Variants in ZNF407 observed in about 807,000 individuals in gnomAD.
The protein encoded by ZNF407 is zinc finger protein 407.
In ZNF407, 17 loss-of-function variants were observed where a neutral mutation model predicts 131.2. The ratio of observed to expected loss-of-function variants is 0.13; its 90% CI spans 0.09 to 0.19. ZNF407 has a LOEUF of 0.19. Ranked by LOEUF, ZNF407 falls within the 10% of genes least tolerant of loss-of-function variation. The pLI is 1.00. For missense variants in ZNF407, 2,681 were observed against 2,830.6 expected, an observed-to-expected ratio of 0.95 and a Z score of 1.20; for synonymous variants, 1,156 against 1,062.0, an observed-to-expected ratio of 1.09 and a Z score of -1.72.
intron 8 of ZNF407, among the ~76,000 whole-genome samples, chr18:74,962,398 C>T (rs929570508): frequency 6.6e-6 from 1 of 152,242 alleles, no homozygotes; most frequent in East Asian, 1.9e-4. Context: ...CTGTCAGATG[C>T]ATACTGACAT....
chr18:74,856,563 C>T (rs1260748275), intron 4 of ZNF407, among the ~76,000 whole-genome samples: 1 of 152,076 alleles, frequency 6.6e-6, no homozygotes, highest in Non-Finnish European at 1.5e-5. Flanking sequence ...TTCTTCCCAT[C>T]CTTGGAAGTG....
intron 4 of ZNF407, among the ~76,000 whole-genome samples, chr18:74,870,449 C>T (rs762861765): frequency 5.3e-5 from 8 of 152,144 alleles, no homozygotes; most frequent in African/African-American, 1.2e-4. Flanking sequence ...CGTCTTGAAG[C>T]CACACTAGAG....
intron 3 of ZNF407, among the ~76,000 whole-genome samples, chr18:74,767,305 C>T (rs1969256932): frequency 6.6e-6 from 1 of 152,108 alleles, no homozygotes; most frequent in Non-Finnish European, 1.5e-5. Flanking sequence ...AGTAATTCAA[C>T]CGTAATTCTT....
At chr18:74,713,343 G>T (rs1409708308) in intron 3 of ZNF407, among the ~76,000 whole-genome samples, 1 of 142,454 alleles carries the variant, frequency 7.0e-6, no homozygotes, top group Non-Finnish European at 1.5e-5. Context: ...AGATTTACCT[G>T]GAACATTTTA....
chr18:74,989,480 G>A (rs1161678413), intron 8 of ZNF407, among the ~76,000 whole-genome samples: 3 of 152,212 alleles, frequency 2.0e-5, no homozygotes, highest in Non-Finnish European at 4.4e-5. Flanking sequence ...AAGCGAGAAA[G>A]GGCACATGCC....
intron 8 of ZNF407, among the ~76,000 whole-genome samples, chr18:74,981,032 G>A (rs530826997): frequency 6.6e-6 from 1 of 152,344 alleles, no homozygotes; most frequent in African/African-American, 2.4e-5. Flanking sequence ...GTGAGAGAAT[G>A]GGTAAGGACG....
intron 3 of ZNF407, among the ~76,000 whole-genome samples, chr18:74,670,563 A>T (rs1280859307): frequency 6.6e-6 from 1 of 152,246 alleles, no homozygotes; most frequent in African/African-American, 2.4e-5. Flanking sequence ...AAACTATTCC[A>T]AAAAATAATT....
intron 4 of ZNF407, among the ~76,000 whole-genome samples, chr18:74,807,933 G>A (rs146617632): frequency 1.9e-4 from 29 of 152,018 alleles, no homozygotes; most frequent in Middle Eastern, 3.4e-3. Flanking sequence ...AGCCTAGGCT[G>A]GTCTTGATCT....
At chr18:74,815,380 G>A (rs1363196751) in intron 4 of ZNF407, among the ~76,000 whole-genome samples, 1 of 152,120 alleles carries the variant, frequency 6.6e-6, no homozygotes, top group African/African-American at 2.4e-5. Context: ...TACCCAAGTA[G>A]CACAGTGTCG....
chr18:74,963,941 C>T (rs918057783), intron 8 of ZNF407, among the ~76,000 whole-genome samples: 1 of 152,188 alleles, frequency 6.6e-6, no homozygotes, highest in East Asian at 1.9e-4. Context: ...AGAGAAGCAG[C>T]TGCTATTAAC....
chr18:74,714,249 A>G (rs749557489), intron 3 of ZNF407, among the ~76,000 whole-genome samples: 7 of 152,226 alleles, frequency 4.6e-5, no homozygotes, highest in African/African-American at 7.2e-5. Flanking sequence ...GTCATACACC[A>G]TAGCTCAGCA....
chr18:74,742,585 T>C (rs1968574849), intron 3 of ZNF407, among the ~76,000 whole-genome samples: 2 of 152,232 alleles, frequency 1.3e-5, no homozygotes, highest in Admixed American at 1.3e-4. Context: ...TGTAAAGTCA[T>C]GATTGGATAA....
intron 4 of ZNF407, among the ~76,000 whole-genome samples, chr18:74,853,370 T>A (rs927021443): frequency 6.6e-6 from 1 of 152,184 alleles, no homozygotes; most frequent in Non-Finnish European, 1.5e-5. Flanking sequence ...AGGATTTTAT[T>A]TGTTTTGCAT....
intron 8 of ZNF407, among the ~76,000 whole-genome samples, chr18:74,953,241 C>T (rs568466455): frequency 3.3e-5 from 5 of 152,238 alleles, no homozygotes; most frequent in South Asian, 2.1e-4. Context: ...GGGGACATTG[C>T]TTGAGAGCTG....
chr18:74,702,228 AG>A (rs1967514237), intron 3 of ZNF407, among the ~76,000 whole-genome samples: 1 of 152,152 alleles, frequency 6.6e-6, no homozygotes, highest in Admixed American at 6.5e-5. Flanking sequence ...AAGGAATCTT[AG>A]TTCTGAGTTA....
Position 75,024,361 on chromosome 18 carries a change from A to G in ZNF407, c.5429-38789A>G, listed in dbSNP as rs915674587. Among the ~76,000 whole-genome samples, 5 of 152,312 alleles carry G rather than the reference A, an allele frequency of 3.3e-5. No homozygotes were observed. The East Asian group carries it at 9.6e-4, about 29-fold the overall frequency. ...TTATGTAATCCTATCCTTTAATCAC[A>G]CCACACAGAAAATTTACCTAAAGAA... On this transcript the variant is annotated intron_variant, in intron 8 of 8. Transcript: ENST00000299687.
chr18:74,895,790 T>G (rs993192511), intron 7 of ZNF407, among the ~76,000 whole-genome samples: 1 of 152,192 alleles, frequency 6.6e-6, no homozygotes, highest in Non-Finnish European at 1.5e-5. Context: ...ACAATGGGAT[T>G]CATTGTTCTG....
chr18:74,944,648 C>T (rs1452143854), intron 8 of ZNF407, among the ~76,000 whole-genome samples: 1 of 152,212 alleles, frequency 6.6e-6, no homozygotes, highest in Non-Finnish European at 1.5e-5. Flanking sequence ...TTGCAGACAG[C>T]AATCACATTT....
chr18:74,714,079 A>T (rs937621757), intron 3 of ZNF407, among the ~76,000 whole-genome samples: 6 of 152,242 alleles, frequency 3.9e-5, no homozygotes, highest in Admixed American at 2.6e-4. Context: ...CAGAAAAGCT[A>T]TTTGAAAAGT....
Sources: allele counts gnomAD v4.1 joint callset (sites outside exome capture counted in the v4.1 genomes callset), GRCh38; gene constraint gnomAD v4.1.1; transcripts MANE v1.5; gene names NCBI Gene and HGNC (gene_info 2026-07-23, HGNC 2026-07-21).